USP54: variants seen among roughly 807,000 people sequenced by gnomAD.
USP54 encodes ubiquitin specific peptidase 54.
In USP54, 87 loss-of-function variants were observed where a neutral mutation model predicts 170.5. The ratio of observed to expected loss-of-function variants is 0.51; its 90% confidence interval spans 0.43 to 0.61. USP54 has a LOEUF of 0.61. USP54 is among the 20% of genes least tolerant of loss of function. The probability of loss-of-function intolerance (pLI) is 0.00; values close to 1 mark genes in which losing one functional copy is unlikely to be tolerated. For missense variants in USP54, 1,786 were observed against 2,047.8 expected (o/e 0.87, Z 2.47); for synonymous variants, 655 against 742.8 (o/e 0.88, Z 1.92).
intron 20 of USP54, chr10:73,505,957 A>C (rs2059059974): frequency 6.6e-6 from 1 of 152,392 alleles, no homozygotes; most frequent in Non-Finnish European, 1.5e-5. Flanking sequence ...AAACATAATC[A>C]GCTTCTGTCA....
rs898962192 is a variant in USP54 at position 73,511,286 on chromosome 10, G to C, written c.4051+5089C>G. Among the ~76,000 whole-genome samples, 3 of 151,732 alleles carry C rather than the reference G, an allele frequency of 2.0e-5. No individual in the cohort carries two copies. In the East Asian group the frequency reaches 5.8e-4, roughly 29 times the overall value. On this transcript the variant is annotated intron_variant, in intron 20 of 23. Transcript: ENST00000687698. The stretch of plus-strand genomic sequence containing the variant: ...CTGATATAATAAAACCCATTGTATT[G>C]TACACTTTAAATAGGTGAAATGTAT...
chr10:73,575,853 G>A lies in USP54; in HGVS notation c.-73C>T. The A allele has an allele frequency of 3.9e-6, 2 of 509,550 alleles. No homozygotes were observed. The highest frequency in any genetic ancestry group is 6.5e-6 in the Non-Finnish European group (2 of 307,340). The allele number at this position is 509,550 out of a possible 1,614,324, so 31.6% of individuals were successfully genotyped here. On this transcript the variant is annotated 5_prime_UTR_variant, in exon 2 of 24. Coordinates refer to ENST00000687698, the MANE Select transcript of USP54 (RefSeq NM_001391956.1). ...CTCAGGTATCCTCCTAGATCAAGAT[G>A]ACAGAGCCCTCCCTCACTTGTTCCA...
chr10:73,582,657 G>A (rs754159897), intron 1 of USP54, among the ~76,000 whole-genome samples: 22 of 152,124 alleles, frequency 1.4e-4, no homozygotes, highest in Non-Finnish European at 4.4e-5. Context: ...TCCCAAAGTT[G>A]TGAACCATGC....
chr10:73,586,943 C>T (rs946258327), intron 1 of USP54, among the ~76,000 whole-genome samples: 13 of 152,114 alleles, frequency 8.5e-5, no homozygotes, highest in Middle Eastern at 3.2e-3. Flanking sequence ...CTTATTTTTC[C>T]TGCACAAGAA....
chr10:73,536,238 G>A lies in USP54; in HGVS notation c.1144+31C>T, dbSNP rs774616894. 4.3e-6 allele frequency: 7 copies of A among 1,611,564 alleles called. 1 individual carries two copies. In the East Asian group the frequency reaches 1.6e-4, roughly 36 times the overall value. On this transcript the variant is annotated intron_variant, in intron 11 of 23. Transcript: ENST00000687698. ...ACTGTTTGATCGCATGGGGTGAGGA[G>A]AGAGGAGAGGTAAAGAGCCTGGCTG...
At chr10:73,569,571 G>C (rs1589181879) in intron 4 of USP54, among the ~76,000 whole-genome samples, 1 of 152,066 alleles carries the variant, frequency 6.6e-6, no homozygotes, top group East Asian at 1.9e-4. Context: ...CCTGAAGTCA[G>C]TGAGACCCTG....
At chr10:73,542,911 C>T in intron 6 of USP54, 26 bp from the exon 7 acceptor site, 1 of 1,613,792 alleles carries the variant, frequency 6.2e-7, no homozygotes, top group Non-Finnish European at 8.5e-7. Flanking sequence ...AAAGGCAAAA[C>T]CAAGCAACCA....
At chr10:73,623,219 C>CA (rs886199589) in intron 1 of USP54, among the ~76,000 whole-genome samples, 3 of 151,674 alleles carry the variant, frequency 2.0e-5, no homozygotes, top group Admixed American at 1.3e-4. Context: ...CTCGTCTCTA[C>CA]AAAAAAAATT....
chr10:73,609,829 C>T (rs1211790379), intron 1 of USP54, among the ~76,000 whole-genome samples: 5 of 109,328 alleles, frequency 4.6e-5, no homozygotes, highest in Admixed American at 3.2e-4. Context: ...GGCTACAGAG[C>T]GAGATTCCGT....
At chr10:73,526,554 G>A in intron 16 of USP54, 93 bp downstream of exon 16, 1 of 1,553,772 alleles carries the variant, frequency 6.4e-7, no homozygotes, top group Non-Finnish European at 8.7e-7. Context: ...GCCTGTAACT[G>A]TCCTCTAATT....
intron 18 of USP54, among the ~76,000 whole-genome samples, chr10:73,520,704 T>A (rs2061757362): frequency 6.6e-6 from 1 of 152,198 alleles, no homozygotes; most frequent in South Asian, 2.1e-4. Context: ...CTGAGGTTAT[T>A]CTGGTAAATA....
intron 22 of USP54, 186 bp downstream of exon 22, chr10:73,504,664 A>G: frequency 2.5e-6 from 2 of 789,680 alleles, no homozygotes; most frequent in Non-Finnish European, 3.9e-6. Flanking sequence ...TGGAATGGAC[A>G]TTCCTCTGGG....
Position 73,571,423 on chromosome 10 carries a change from T to A in USP54, c.238A>T (p.Lys80Ter). 6.2e-7 allele frequency: 1 copy of A among 1,613,218 alleles called. No homozygotes were observed. Among genetic ancestry groups the A allele is most frequent in the African/African-American group, 1.3e-5 (1 of 75,004 alleles). ...AGAAACTAATTGGAAGTACTTACCT[T>A]GAGAGCGCAAAAGATGCAGGAATCT... ...MGDSCIFCAL[K>*]GIFNQFQCSS... The change falls in exon 4 of 24, where the codon AAG becomes TAG. Residue 80 changes from lysine to a stop codon, truncating the protein, a stop_gained and splice_region_variant. Coordinates refer to ENST00000687698, the MANE Select transcript of USP54 (RefSeq NM_001391956.1). LOFTEE classifies it high-confidence loss of function.
At chr10:73,543,867 G>A (rs1016827071) in intron 5 of USP54, among the ~76,000 whole-genome samples, 1 of 151,982 alleles carries the variant, frequency 6.6e-6, no homozygotes, top group African/African-American at 2.4e-5. Context: ...CCTAACCTGT[G>A]GTAATCACTA....
chr10:73,534,293 G>A (rs975971092), intron 12 of USP54, among the ~76,000 whole-genome samples: 1 of 151,206 alleles, frequency 6.6e-6, no homozygotes, highest in Non-Finnish European at 1.5e-5. Context: ...TGAAAGCTTC[G>A]CCTCCTGGGT....
At chr10:73,607,397 G>A (rs1282937414) in intron 1 of USP54, among the ~76,000 whole-genome samples, 1 of 151,068 alleles carries the variant, frequency 6.6e-6, no homozygotes, top group East Asian at 1.9e-4. Flanking sequence ...CAAATACAAA[G>A]GATGGTAGCT....
Position 73,571,137 on chromosome 10 carries a change from C to CAA in USP54, c.240+282_240+283dup, listed in dbSNP as rs59126730. On this transcript the variant is annotated intron_variant, in intron 4 of 23. Transcript: ENST00000687698. ...TGGGTGACAGAGTGAGACTTCATCC[C>CAA]AAAAAAAAAAAAAAAAAAAAAAAAA... Among the ~76,000 whole-genome samples the CAA allele has an allele frequency of 1.4e-3, 62 of 44,302 alleles. 2 individuals carry two copies. The highest frequency in any genetic ancestry group is 1.9e-3 in the Non-Finnish European group (31 of 16,402). 29.1% of individuals were successfully genotyped at this position (44,302 alleles called of 152,430 possible).
chr10:73,514,684 A>G (rs2060773777), intron 20 of USP54, among the ~76,000 whole-genome samples: 1 of 152,084 alleles, frequency 6.6e-6, no homozygotes, highest in Non-Finnish European at 1.5e-5. Flanking sequence ...ATCAAAGACC[A>G]CCTTAGTAAA....
intron 20 of USP54, among the ~76,000 whole-genome samples, chr10:73,511,148 A>AAAC (rs1406190298): frequency 7.1e-6 from 1 of 140,940 alleles, no homozygotes; most frequent in African/African-American, 2.7e-5. Context: ...GCCCAGGCTG[A>AAAC]AGTGCAGCGG....
Sources: gnomAD v4.1 joint callset for allele counts (sites outside exome capture counted in the v4.1 genomes callset) on GRCh38, gnomAD v4.1.1 for gene constraint, MANE v1.5 for transcripts, NCBI Gene and HGNC (gene_info 2026-07-23, HGNC 2026-07-21) for gene names.